The following NBEA variants were observed in gnomAD, a reference collection of about 807,000 sequenced individuals.
NBEA encodes neurobeachin.
In NBEA, 44 loss-of-function variants were observed where a neutral mutation model predicts 343.4. That is an observed-to-expected ratio of 0.13 (90% CI 0.10 to 0.16). The LOEUF (loss-of-function observed/expected upper bound fraction) is 0.16. NBEA is among the 10% of genes least tolerant of loss of function. The pLI is 1.00. For synonymous variants in NBEA, 1,175 were observed against 1,238.7 expected (o/e 0.95, Z 1.08); for missense variants, 2,555 against 3,631.3 (o/e 0.70, Z 7.62).
chr13:35,652,327 C>T (rs2084564456), intron 53 of NBEA, among the ~76,000 whole-genome samples: 1 of 131,928 alleles, frequency 7.6e-6, no homozygotes, highest in African/African-American at 2.8e-5. Context: ...ACATGTACCC[C>T]AGAACTTAAA....
chr13:35,274,440 T>C (rs1026377714), intron 34 of NBEA, among the ~76,000 whole-genome samples: 3 of 152,160 alleles, frequency 2.0e-5, no homozygotes, highest in African/African-American at 7.2e-5. Flanking sequence ...AGCATTCCCT[T>C]TGACAACTGG....
intron 38 of NBEA, among the ~76,000 whole-genome samples, chr13:35,418,049 A>G (rs1040214690): frequency 4.4e-4 from 67 of 152,212 alleles, no homozygotes; most frequent in Middle Eastern, 3.4e-3. Flanking sequence ...TTTATCAGAG[A>G]CTAGGATTGC....
At chr13:35,630,706 G>C (rs977946125) in intron 49 of NBEA, among the ~76,000 whole-genome samples, 5 of 152,018 alleles carry the variant, frequency 3.3e-5, no homozygotes, top group African/African-American at 4.8e-5. Context: ...CTTAGAACAC[G>C]ATACATGTGA....
rs139666756 is a variant in NBEA, at chr13:35,475,371, G to T, written c.6585+2835G>T. The T allele has an allele frequency of 9.0e-5, 145 of 1,613,926 alleles. No homozygotes were observed. In the East Asian group the frequency reaches 3.2e-3, roughly 36 times the overall value. ...GCAGTTCAAGGTGACGATCCCTTAA[G>T]GTTTTGAGGATGGAGAGGCACTTCT... is the stretch of plus-strand genomic sequence containing the variant. On this transcript the variant is annotated intron_variant, in intron 41 of 58. Coordinates refer to ENST00000379939, the MANE Select transcript of NBEA (RefSeq NM_001385012.1).
At chr13:34,972,006 T>C (rs976254590) in intron 1 of NBEA, among the ~76,000 whole-genome samples, 5 of 152,120 alleles carry the variant, frequency 3.3e-5, no homozygotes, top group Non-Finnish European at 5.9e-5. Flanking sequence ...TATTACTGCC[T>C]CAATTTCAGA....
chr13:35,269,138 G>A (rs1776107002), intron 34 of NBEA, among the ~76,000 whole-genome samples: 1 of 152,076 alleles, frequency 6.6e-6, no homozygotes, highest in South Asian at 2.1e-4. Flanking sequence ...AACTTATGAT[G>A]GGGTTACATA....
At chr13:35,407,502 C>T (rs2043333311) in intron 38 of NBEA, among the ~76,000 whole-genome samples, 1 of 130,684 alleles carries the variant, frequency 7.7e-6, no homozygotes, top group Non-Finnish European at 1.6e-5. Flanking sequence ...ATCAGAAGAC[C>T]TTTCTGCATC....
intron 38 of NBEA, among the ~76,000 whole-genome samples, chr13:35,369,063 G>C (rs1281198233): frequency 6.6e-6 from 1 of 151,064 alleles, no homozygotes; most frequent in Non-Finnish European, 1.5e-5. Context: ...TTAACATTTA[G>C]GCCTTTAATA....
chr13:35,440,230 C>T (rs140809483), intron 39 of NBEA, among the ~76,000 whole-genome samples: 1 of 152,216 alleles, frequency 6.6e-6, no homozygotes, highest in Non-Finnish European at 1.5e-5. Flanking sequence ...CCACACCATT[C>T]ATCACTTTGG....
chr13:35,567,160 A>C, intron 45 of NBEA, 143 bp downstream of exon 45: 1 of 485,190 alleles, frequency 2.1e-6, no homozygotes, highest in Non-Finnish European at 3.7e-6. Context: ...TCTAAATCTT[A>C]CCAATTCTTA....
chr13:35,550,048 G>A (rs1221703789), intron 41 of NBEA, among the ~76,000 whole-genome samples: 2 of 152,134 alleles, frequency 1.3e-5, no homozygotes, highest in African/African-American at 4.8e-5. Flanking sequence ...AAAGTTTGCT[G>A]ACACCTGGAT....
chr13:35,050,862 A>T (rs2063041795), intron 6 of NBEA, among the ~76,000 whole-genome samples: 1 of 152,112 alleles, frequency 6.6e-6, no homozygotes, highest in Middle Eastern at 3.4e-3. Flanking sequence ...TGCTTTAATA[A>T]TGCTGGCTTC....
chr13:35,616,391 G>A (rs886721634), intron 48 of NBEA, among the ~76,000 whole-genome samples: 3 of 152,146 alleles, frequency 2.0e-5, no homozygotes, highest in African/African-American at 4.8e-5. Flanking sequence ...TTTGCAAACT[G>A]TCTGTATCTG....
intron 38 of NBEA, among the ~76,000 whole-genome samples, chr13:35,423,478 C>A (rs2044434183): frequency 6.6e-6 from 1 of 152,098 alleles, no homozygotes. Context: ...GTCATTATTT[C>A]TGAGGGCTCT....
chr13:35,344,999 C>T (rs1314599128), intron 36 of NBEA, among the ~76,000 whole-genome samples: 7 of 152,020 alleles, frequency 4.6e-5, no homozygotes, highest in Non-Finnish European at 8.8e-5. Flanking sequence ...TAGCAGAACT[C>T]AATTCAACTG....
chr13:34,989,714 G>A (rs1240784441), intron 1 of NBEA, among the ~76,000 whole-genome samples: 2 of 150,690 alleles, frequency 1.3e-5, no homozygotes, highest in Non-Finnish European at 3.0e-5. Context: ...CACAGTCATG[G>A]CTTCCAAACA....
chr13:35,501,913 A>G (rs1026076759), intron 41 of NBEA, among the ~76,000 whole-genome samples: 4 of 152,104 alleles, frequency 2.6e-5, no homozygotes, highest in African/African-American at 9.7e-5. Context: ...GAGGGGATGT[A>G]TGTATGTGTG....
chr13:35,646,151 G>A (rs2084220188), intron 50 of NBEA, 108 bp from the exon 51 acceptor site: 3 of 890,688 alleles, frequency 3.4e-6, no homozygotes, highest in South Asian at 3.2e-5. Flanking sequence ...TGAATTTTCT[G>A]GACTTTTTTT....
At chr13:35,125,159 A>G (rs147188254) in intron 17 of NBEA, among the ~76,000 whole-genome samples, 1 of 152,170 alleles carries the variant, frequency 6.6e-6, no homozygotes, top group Admixed American at 6.5e-5. Context: ...ATACAACAAG[A>G]AGTAAAAAAT....
Sources: gnomAD v4.1 joint callset for allele counts (sites outside exome capture counted in the v4.1 genomes callset) on GRCh38, gnomAD v4.1.1 for gene constraint, MANE v1.5 for transcripts, NCBI Gene and HGNC (gene_info 2026-07-23, HGNC 2026-07-21) for gene names.